NTRK3: variants seen among roughly 807,000 people sequenced by gnomAD.
NTRK3 encodes the protein NT-3 growth factor receptor.
NTRK3 carries 24 observed loss-of-function variants against 91.7 expected under a neutral mutation model. The ratio of observed to expected loss-of-function variants is 0.26; its 90% CI spans 0.19 to 0.37. The LOEUF (loss-of-function observed/expected upper bound fraction) is 0.37, where lower values mean the gene tolerates loss of function less well. Ranked by LOEUF, NTRK3 falls within the 10% of genes least tolerant of loss-of-function variation. The pLI, the probability that NTRK3 is intolerant of heterozygous loss-of-function variation, is 1.00. For synonymous variants in NTRK3, 483 were observed against 404.0 expected, an observed-to-expected ratio of 1.20 and a Z score of -2.34; for missense variants, 880 against 1,068.9, an observed-to-expected ratio of 0.82 and a Z score of 2.46.
intron 3 of NTRK3, among the ~76,000 whole-genome samples, chr15:88,210,630 C>T (rs1428113754): frequency 6.6e-6 from 1 of 152,174 alleles, no homozygotes; most frequent in East Asian, 1.9e-4. Flanking sequence ...AGAGCGAACA[C>T]CTGGAGCAAC....
At chr15:88,101,077 G>A (rs1597318042) in intron 13 of NTRK3, among the ~76,000 whole-genome samples, 1 of 152,082 alleles carries the variant, frequency 6.6e-6, no homozygotes, top group East Asian at 1.9e-4. Flanking sequence ...GAGTGAACAG[G>A]CAACTTACAG....
chr15:88,148,412 G>A (rs1259145766), intron 5 of NTRK3, among the ~76,000 whole-genome samples: 5 of 152,154 alleles, frequency 3.3e-5, no homozygotes, highest in South Asian at 2.1e-4. Context: ...TATCAACACC[G>A]TGATGTAAGT....
intron 3 of NTRK3, among the ~76,000 whole-genome samples, chr15:88,232,542 T>C (rs1358688129): frequency 6.6e-6 from 1 of 152,192 alleles, no homozygotes; most frequent in African/African-American, 2.4e-5. Context: ...TTTTGGTAAA[T>C]GTGGCTGTTT....
At chr15:88,043,537 A>G (rs1228242510) in intron 13 of NTRK3, among the ~76,000 whole-genome samples, 1 of 152,172 alleles carries the variant, frequency 6.6e-6, no homozygotes, top group Non-Finnish European at 1.5e-5. Flanking sequence ...TTGAACTGCT[A>G]CAGTCCTCAT....
chr15:87,908,890 G>T (rs563575163), intron 17 of NTRK3, among the ~76,000 whole-genome samples: 1 of 151,860 alleles, frequency 6.6e-6, no homozygotes. Context: ...ACATGAAGAC[G>T]CAATGGGCTT....
chr15:87,868,028 T>C lies in NTRK3; in HGVS notation c.*8907A>G, dbSNP rs1050171909. On this transcript the variant is annotated 3_prime_UTR_variant, in exon 19 of 19. Transcript: ENST00000394480. ...TATGTGTCGATAATAAGAGGAAAGA[T>C]GAGCTATAGATGACTTTAAGAAATC... The C allele has an allele frequency of 2.2e-5, 5 of 230,480 alleles. No homozygotes were observed. The East Asian group carries it at 3.1e-4, about 14-fold the overall frequency. The allele number at this position is 230,480 out of a possible 1,614,324, so 14.3% of individuals were successfully genotyped here.
chr15:88,187,996 C>T (rs1597843385), intron 3 of NTRK3, among the ~76,000 whole-genome samples: 1 of 152,064 alleles, frequency 6.6e-6, no homozygotes, highest in Non-Finnish European at 1.5e-5. Flanking sequence ...GGCACCTAAA[C>T]CCTGTGGGGG....
At chr15:87,910,237 G>C (rs1018124454) in intron 17 of NTRK3, among the ~76,000 whole-genome samples, 6 of 152,216 alleles carry the variant, frequency 3.9e-5, no homozygotes, top group African/African-American at 1.4e-4. Context: ...TGGGGGAAGA[G>C]CTCCAAGCCT....
chr15:88,041,528 A>G (rs1269422557), intron 13 of NTRK3, among the ~76,000 whole-genome samples: 1 of 152,204 alleles, frequency 6.6e-6, no homozygotes, highest in Non-Finnish European at 1.5e-5. Context: ...AAGCTTGAAG[A>G]TCCAGTGTGA....
At chr15:88,079,611 T>C (rs1301813043) in intron 13 of NTRK3, among the ~76,000 whole-genome samples, 1 of 152,184 alleles carries the variant, frequency 6.6e-6, no homozygotes, top group Non-Finnish European at 1.5e-5. Context: ...CCTAAAGGGA[T>C]TTAATTTTGT....
chr15:88,201,171 T>C (rs916077066), intron 3 of NTRK3, among the ~76,000 whole-genome samples: 20 of 152,178 alleles, frequency 1.3e-4, no homozygotes, highest in African/African-American at 1.9e-4. Context: ...AGCCCTGATA[T>C]CTTACCCACC....
chr15:88,012,455 C>A (rs1285866720), intron 14 of NTRK3, among the ~76,000 whole-genome samples: 1 of 152,178 alleles, frequency 6.6e-6, no homozygotes, highest in African/African-American at 2.4e-5. Context: ...GGCAAACTTG[C>A]CCATTTGGAG....
At chr15:88,164,803 C>G (rs925022857) in intron 5 of NTRK3, among the ~76,000 whole-genome samples, 5 of 152,176 alleles carry the variant, frequency 3.3e-5, no homozygotes, top group African/African-American at 1.2e-4. Flanking sequence ...AATTTATTCA[C>G]CAACAGTGTC....
chr15:88,235,744 T>G lies in NTRK3; in HGVS notation c.248+20162A>C, dbSNP rs1036724735. 1.3e-5 allele frequency among the ~76,000 whole-genome samples: 2 copies of G among 152,200 alleles called. No individual in the cohort carries two copies. The highest frequency in any genetic ancestry group is 1.3e-4 in the Admixed American group (2 of 15,278). On this transcript the variant is annotated intron_variant, in intron 3 of 18. Coordinates refer to ENST00000394480, the Ensembl canonical transcript of NTRK3. This position sits in a 1 kb window ranked among gnomAD's most constrained non-coding sequence, Gnocchi z 5.2. The stretch of plus-strand genomic sequence containing the variant: ...CCAGAAGGTGCCCTTGAGAAGTCAG[T>G]CATCTGTTTTCTGCCTGCTTCACTC...
At chr15:88,096,404 G>T (rs1204678378) in intron 13 of NTRK3, among the ~76,000 whole-genome samples, 1 of 152,140 alleles carries the variant, frequency 6.6e-6, no homozygotes, top group Non-Finnish European at 1.5e-5. Context: ...GTTGGGAAAA[G>T]CCCCACTGGA....
At chr15:88,035,122 A>C (rs1410390855) in intron 13 of NTRK3, among the ~76,000 whole-genome samples, 1 of 152,210 alleles carries the variant, frequency 6.6e-6, no homozygotes. Context: ...AAGAAGAAAG[A>C]GGCAAGAGGA....
Position 88,191,674 on chromosome 15 carries a change from G to T in NTRK3, c.249-7375C>A, listed in dbSNP as rs2047408348. ...TGACTCCGAAGCCTTGTAGGGCAAT[G>T]AGGAAATTGATTTGTTATCCAGGCG... On this transcript the variant is annotated intron_variant, in intron 3 of 18. Transcript: ENST00000394480. Among the ~76,000 whole-genome samples, 3 of 152,244 alleles carry T rather than the reference G, an allele frequency of 2.0e-5. No homozygotes were observed. The South Asian group carries it at 6.2e-4, about 31-fold the overall frequency.
At chr15:88,159,623 G>A (rs747034509) in intron 5 of NTRK3, among the ~76,000 whole-genome samples, 15 of 152,274 alleles carry the variant, frequency 9.9e-5, no homozygotes, top group Non-Finnish European at 1.8e-4. Context: ...GTAGACAATC[G>A]TATATGCACA....
At chr15:88,037,552 A>T (rs1407435687) in intron 13 of NTRK3, among the ~76,000 whole-genome samples, 1 of 152,022 alleles carries the variant, frequency 6.6e-6, no homozygotes, top group Non-Finnish European at 1.5e-5. Flanking sequence ...ACAGAGCAAG[A>T]CTCCCTCTCA....
Sources: gnomAD v4.1 joint callset for allele counts (sites outside exome capture counted in the v4.1 genomes callset) on GRCh38, gnomAD v4.1.1 for gene constraint, Gnocchi (gnomAD v3.1) non-coding constraint, MANE v1.5 for transcripts, NCBI Gene and HGNC (gene_info 2026-07-23, HGNC 2026-07-21) for gene names.